R3HDM1: variants seen among roughly 807,000 people sequenced by gnomAD.
R3HDM1 encodes R3H domain containing 1.
Under a neutral mutation model 141.1 loss-of-function variants are expected in R3HDM1, and 46 were observed. The observed-to-expected ratio is 0.33, with a 90% CI of 0.26 to 0.42. The LOEUF (loss-of-function observed/expected upper bound fraction) is 0.42. Ranked by LOEUF, R3HDM1 falls within the 10% of genes least tolerant of loss-of-function variation. R3HDM1 has a pLI of 1.00. For missense variants in R3HDM1, 1,184 were observed against 1,368.3 expected (o/e 0.87, Z 2.12); for synonymous variants, 435 against 472.9 (o/e 0.92, Z 1.04).
intron 21 of R3HDM1, among the ~76,000 whole-genome samples, chr2:135,693,336 C>A (rs910625656): frequency 1.3e-5 from 2 of 151,864 alleles, no homozygotes; most frequent in African/African-American, 4.8e-5. Flanking sequence ...TTTGCCAACT[C>A]CTGTACTAGA....
intron 21 of R3HDM1, among the ~76,000 whole-genome samples, chr2:135,693,204 G>A (rs1473359632): frequency 6.6e-6 from 1 of 152,156 alleles, no homozygotes; most frequent in Non-Finnish European, 1.5e-5. Flanking sequence ...TACTTAATTG[G>A]GGTTCAAAGT....
chr2:135,668,381 C>T (rs964457273), intron 19 of R3HDM1, among the ~76,000 whole-genome samples: 1 of 152,106 alleles, frequency 6.6e-6, no homozygotes, highest in Non-Finnish European at 1.5e-5. Context: ...TACTTTTTAG[C>T]CAGTTGCTGT....
Position 135,638,911 on chromosome 2 carries a change from T to G in R3HDM1, c.1008T>G (p.Ala336=). Residue 336 remains alanine, a synonymous_variant, in exon 14 of 27, where the codon GCT becomes GCG. Transcript: ENST00000683871. The part of the protein sequence containing the change: ...RRQIFRVNKD[A]SGRSTNSHQS... ...TAAATTACAGAGTTAATAAAGATGC[T>G]TCAGGGAGATCTACAAATAGCCATC... 1.2e-6 allele frequency: 2 copies of G among 1,613,330 alleles called. No individual in the cohort carries two copies. Among genetic ancestry groups the G allele is most frequent in the Non-Finnish European group, 1.7e-6 (2 of 1,179,750 alleles).
intron 7 of R3HDM1, among the ~76,000 whole-genome samples, chr2:135,631,262 G>T (rs757452342): frequency 2.0e-5 from 3 of 152,076 alleles, no homozygotes; most frequent in Non-Finnish European, 4.4e-5. Context: ...AAAGATGTCT[G>T]TTCTTCTGCT....
At chr2:135,577,792 C>G (rs190096867) in intron 1 of R3HDM1, among the ~76,000 whole-genome samples, 1 of 147,298 alleles carries the variant, frequency 6.8e-6, no homozygotes, top group African/African-American at 2.5e-5. Flanking sequence ...GAGCCAAGAT[C>G]GCGCCATTGC....
At chr2:135,614,670 A>T (rs1004886496) in intron 3 of R3HDM1, among the ~76,000 whole-genome samples, 5 of 152,236 alleles carry the variant, frequency 3.3e-5, no homozygotes, top group African/African-American at 1.2e-4. Context: ...TTTTTAATAG[A>T]AGATTTTATA....
chr2:135,669,601 G>A (rs2068027599), intron 19 of R3HDM1: 1 of 983,494 alleles, frequency 1.0e-6, no homozygotes, highest in Non-Finnish European at 1.2e-6. Context: ...TTCAACATGT[G>A]TTCCTCAAAA....
At chr2:135,664,750 A>T (rs550939108) in intron 19 of R3HDM1, among the ~76,000 whole-genome samples, 1 of 152,246 alleles carries the variant, frequency 6.6e-6, no homozygotes, top group Non-Finnish European at 1.5e-5. Flanking sequence ...CTGTTCATTC[A>T]AAACAAGGTT....
intron 18 of R3HDM1, among the ~76,000 whole-genome samples, chr2:135,654,833 T>C (rs1361722347): frequency 6.6e-6 from 1 of 151,754 alleles, no homozygotes; most frequent in Non-Finnish European, 1.5e-5. Flanking sequence ...AATATCTCTT[T>C]TCAGTTTTTT....
intron 23 of R3HDM1, among the ~76,000 whole-genome samples, chr2:135,712,959 T>C (rs746684769): frequency 2.0e-4 from 31 of 152,078 alleles, no homozygotes; most frequent in Non-Finnish European, 3.1e-4. Context: ...CCCAGCACTT[T>C]GGGAGGCCAA....
At chr2:135,578,654 A>G (rs1330987368) in intron 1 of R3HDM1, among the ~76,000 whole-genome samples, 1 of 152,252 alleles carries the variant, frequency 6.6e-6, no homozygotes, top group Non-Finnish European at 1.5e-5. Flanking sequence ...AAAAGAACTA[A>G]GTAACTTTGG....
chr2:135,581,537 G>C, intron 1 of R3HDM1: 1 of 433,844 alleles, frequency 2.3e-6, no homozygotes, highest in Non-Finnish European at 3.1e-6. Flanking sequence ...TCCTCTCTAT[G>C]ACATGTTAAG....
At chr2:135,721,045 C>G (rs1032110431) in intron 24 of R3HDM1, among the ~76,000 whole-genome samples, 14 of 152,136 alleles carry the variant, frequency 9.2e-5, no homozygotes, top group African/African-American at 3.4e-4. Flanking sequence ...TTCAAAGTAT[C>G]CAGAGAAGTT....
chr2:135,638,459 A>T (rs1210138370), intron 11 of R3HDM1, among the ~76,000 whole-genome samples, 159 bp from the exon 12 acceptor site: 1 of 152,230 alleles, frequency 6.6e-6, no homozygotes, highest in Non-Finnish European at 1.5e-5. Context: ...AGGATCTCCA[A>T]ACCAGAAAAA....
intron 1 of R3HDM1, among the ~76,000 whole-genome samples, chr2:135,557,014 GCTTTA>G (rs1238988308): frequency 6.6e-6 from 1 of 151,798 alleles, no homozygotes; most frequent in Non-Finnish European, 1.5e-5. Context: ...AATATTTTTA[GCTTTA>G]CTTGTAAGAA....
intron 23 of R3HDM1, among the ~76,000 whole-genome samples, chr2:135,710,814 A>T (rs2075542171): frequency 6.6e-6 from 1 of 152,282 alleles, no homozygotes; most frequent in Admixed American, 6.5e-5. Context: ...CTATATATTA[A>T]TGTAACCAAA....
intron 19 of R3HDM1, chr2:135,669,568 T>A (rs2068018626): frequency 7.1e-6 from 7 of 985,310 alleles, no homozygotes; most frequent in Non-Finnish European, 8.4e-6. Context: ...ATTTGAACAA[T>A]ATTACTGTAA....
chr2:135,583,245 T>G (rs952456707), intron 1 of R3HDM1, among the ~76,000 whole-genome samples: 1 of 152,260 alleles, frequency 6.6e-6, no homozygotes, highest in Middle Eastern at 3.4e-3. Context: ...TAATACTGAT[T>G]TTTTTTTCAG....
chr2:135,641,625 TCTC>T lies in R3HDM1; in HGVS notation c.1310_1312del (p.Ser437_His438delinsTyr). The T allele has an allele frequency of 6.2e-7, 1 of 1,614,176 alleles. No homozygotes were observed. The highest frequency in any genetic ancestry group is 8.5e-7 in the Non-Finnish European group (1 of 1,180,012). ...TCCAGGTACAGCTCTCAGCCAGTCT[TCTC>T]ATGGCGCACCTGTCGTCTATCCAAC... On this transcript the variant is annotated inframe_deletion, in exon 15 of 27. Coordinates refer to ENST00000683871, the MANE Select transcript of R3HDM1 (RefSeq NM_001378107.1).
Sources: gnomAD v4.1 joint callset for allele counts (sites outside exome capture counted in the v4.1 genomes callset) on GRCh38, gnomAD v4.1.1 for gene constraint, MANE v1.5 for transcripts, NCBI Gene and HGNC (gene_info 2026-07-23, HGNC 2026-07-21) for gene names.